The following PJA2 variants were observed in gnomAD, a reference collection of about 807,000 sequenced individuals.
PJA2 encodes praja ring finger ubiquitin ligase 2.
Under a neutral mutation model 69.3 loss-of-function variants are expected in PJA2, and 25 were observed. That is an observed-to-expected ratio of 0.36 (90% CI 0.26 to 0.50). The LOEUF (loss-of-function observed/expected upper bound fraction) is 0.50. Ranked by LOEUF, PJA2 falls within the 20% of genes least tolerant of loss-of-function variation. The pLI, the probability that PJA2 is intolerant of heterozygous loss-of-function variation, is 0.96. For synonymous variants in PJA2, 308 were observed against 277.8 expected (o/e 1.11, Z -1.08); for missense variants, 809 against 830.2 (o/e 0.97, Z 0.31).
At chr5:109,367,231 A>G (rs1561351934) in intron 5 of PJA2, among the ~76,000 whole-genome samples, 1 of 149,320 alleles carries the variant, frequency 6.7e-6, no homozygotes. Context: ...ACCTCAACCT[A>G]CCACTGTTGA....
chr5:109,342,029 C>T (rs1228307460), intron 9 of PJA2, among the ~76,000 whole-genome samples: 200 of 115,502 alleles, frequency 1.7e-3, no homozygotes, highest in African/African-American at 4.5e-3. Flanking sequence ...CCGGGCCAGC[C>T]GCCCCGTCCG....
chr5:109,353,571 CAT>C (rs1311057173), intron 7 of PJA2, among the ~76,000 whole-genome samples: 5 of 141,000 alleles, frequency 3.5e-5, no homozygotes, highest in South Asian at 2.3e-4. Context: ...TCTATAATAT[CAT>C]AGACATCTAT....
intron 5 of PJA2, among the ~76,000 whole-genome samples, chr5:109,364,304 G>A (rs528628033): frequency 1.3e-5 from 2 of 152,224 alleles, no homozygotes; most frequent in South Asian, 2.1e-4. Flanking sequence ...ATGAGTACGA[G>A]AATAGTCATG....
chr5:109,391,256 T>C (rs939442414), intron 1 of PJA2, among the ~76,000 whole-genome samples: 2 of 152,134 alleles, frequency 1.3e-5, no homozygotes, highest in African/African-American at 2.4e-5. Flanking sequence ...CCACCAAACA[T>C]TATCAAGACT....
chr5:109,346,460 T>C (rs966921524), intron 7 of PJA2, among the ~76,000 whole-genome samples: 33 of 152,326 alleles, frequency 2.2e-4, no homozygotes, highest in African/African-American at 7.9e-4. Flanking sequence ...TGTACACCCA[T>C]GTTCACTGCA....
At chr5:109,374,111 G>A (rs940541238) in intron 4 of PJA2, among the ~76,000 whole-genome samples, 4 of 152,110 alleles carry the variant, frequency 2.6e-5, no homozygotes, top group African/African-American at 7.2e-5. Context: ...GATATGAATG[G>A]ATTATGTCCA....
At chr5:109,342,934 C>T (rs868803557) in intron 9 of PJA2, among the ~76,000 whole-genome samples, 6 of 68,686 alleles carry the variant, frequency 8.7e-5, no homozygotes, top group Non-Finnish European at 1.5e-4. Flanking sequence ...AGGTGAGGGG[C>T]GCCTCTGCCC....
intron 1 of PJA2, among the ~76,000 whole-genome samples, chr5:109,402,593 T>C (rs963622723): frequency 1.6e-4 from 25 of 152,178 alleles, no homozygotes; most frequent in African/African-American, 5.3e-4. Flanking sequence ...ACTTCAACTC[T>C]TCTCTCAATG....
At chr5:109,379,299 GA>G in intron 3 of PJA2, 45 bp from the exon 4 acceptor site, 2 of 1,364,640 alleles carry the variant, frequency 1.5e-6, no homozygotes, top group South Asian at 1.4e-5. Flanking sequence ...GATTAACTTA[GA>G]TAAAATTTTA....
intron 6 of PJA2, among the ~76,000 whole-genome samples, chr5:109,360,812 A>G (rs1762492727): frequency 6.6e-6 from 1 of 152,180 alleles, no homozygotes; most frequent in East Asian, 1.9e-4. Context: ...CTAAAGTAAC[A>G]GTTTCTCAAA....
rs755114499 is a variant in PJA2 at position 109,406,074 on chromosome 5, C to T, written c.-88+3768G>A. ...TTTTTTTTTTTTTGAGACGGAGTCT[C>T]GCTCTGTCGCCCAGGCTGGAGTGCA... On this transcript the variant is annotated intron_variant, in intron 1 of 9. Coordinates refer to ENST00000361189, the MANE Select transcript of PJA2 (RefSeq NM_014819.5). Among the ~76,000 whole-genome samples, 16 of 140,978 alleles carry T rather than the reference C, an allele frequency of 1.1e-4. No homozygotes were observed. The East Asian group carries it at 2.7e-3, about 24-fold the overall frequency. 92.5% of individuals were successfully genotyped at this position (140,978 alleles called of 152,430 possible).
chr5:109,368,986 C>T (rs1182150578), intron 4 of PJA2, among the ~76,000 whole-genome samples: 1 of 152,024 alleles, frequency 6.6e-6, no homozygotes, highest in Non-Finnish European at 1.5e-5. Context: ...TTCACCAGAT[C>T]TGGTTGTTTA....
At chr5:109,338,340 G>C (rs981857949) in intron 9 of PJA2, among the ~76,000 whole-genome samples, 1 of 152,018 alleles carries the variant, frequency 6.6e-6, no homozygotes, top group Non-Finnish European at 1.5e-5. Context: ...TACGTTTACC[G>C]TTTAAGAATC....
intron 7 of PJA2, among the ~76,000 whole-genome samples, chr5:109,354,501 T>C (rs56986866): frequency 2.6e-5 from 1 of 39,170 alleles, no homozygotes; most frequent in African/African-American, 1.2e-4. Flanking sequence ...TATAATATCA[T>C]AGATATCTAT....
chr5:109,352,710 C>G (rs956034837), intron 7 of PJA2, among the ~76,000 whole-genome samples: 1 of 151,896 alleles, frequency 6.6e-6, no homozygotes, highest in African/African-American at 2.4e-5. Flanking sequence ...CAAAGCAGAG[C>G]TAGCATAAAT....
chr5:109,336,656 T>C lies in PJA2; in HGVS notation c.*575A>G, dbSNP rs1761950212. On this transcript the variant is annotated 3_prime_UTR_variant, in exon 10 of 10. Coordinates refer to ENST00000361189, the MANE Select transcript of PJA2 (RefSeq NM_014819.5). ...CGTCTACGATTTAAAACTTTTGTAA[T>C]GTTCTGGCCAAAATTTTAGCCTTCA... The C allele has an allele frequency of 6.6e-6, 1 of 152,368 alleles. No homozygotes were observed. Among genetic ancestry groups the C allele is most frequent in the South Asian group, 2.1e-4 (1 of 4,834 alleles). The allele number at this position is 152,368 out of a possible 1,614,324, so 9.4% of individuals were successfully genotyped here.
At chr5:109,362,596 T>C (rs569947683) in intron 6 of PJA2, among the ~76,000 whole-genome samples, 2 of 152,068 alleles carry the variant, frequency 1.3e-5, no homozygotes, top group Admixed American at 6.5e-5. Context: ...AAAAAAAGTA[T>C]GTAAGTAACT....
chr5:109,405,723 T>C (rs1747670395), intron 1 of PJA2, among the ~76,000 whole-genome samples: 1 of 152,158 alleles, frequency 6.6e-6, no homozygotes. Context: ...ACACACCATA[T>C]ACAAAAACTA....
At chr5:109,343,323 ATGTAAAT>A (rs1762115390) in intron 9 of PJA2, among the ~76,000 whole-genome samples, 3 of 114,860 alleles carry the variant, frequency 2.6e-5, no homozygotes, top group Non-Finnish European at 3.7e-5. Flanking sequence ...AAAAGAAAAT[ATGTAAAT>A]AAAGAGAGAT....
Sources: allele counts gnomAD v4.1 joint callset (sites outside exome capture counted in the v4.1 genomes callset), GRCh38; gene constraint gnomAD v4.1.1; transcripts MANE v1.5; gene names NCBI Gene and HGNC (gene_info 2026-07-23, HGNC 2026-07-21).